Variants in TTC39B observed in about 807,000 individuals in gnomAD.
The protein encoded by TTC39B is tetratricopeptide repeat domain 39B, also known as tetratricopeptide repeat protein 39B.
A neutral mutation model predicts 96.6 loss-of-function variants in TTC39B; 92 were observed. That is an observed-to-expected ratio of 0.95 (90% confidence interval 0.80 to 1.13). TTC39B has a LOEUF of 1.13. TTC39B is among the 50% of genes most tolerant of loss of function. TTC39B has a pLI of 0.00. For synonymous variants in TTC39B, 367 were observed against 299.4 expected, an observed-to-expected ratio of 1.23 and a Z score of -2.33; for missense variants, 955 against 809.3, an observed-to-expected ratio of 1.18 and a Z score of -2.18.
Position 15,184,086 on chromosome 9 carries a change from A to G in TTC39B, c.1614+1194T>C, listed in dbSNP as rs74393087. 2.3e-3 allele frequency among the ~76,000 whole-genome samples: 357 copies of G among 152,344 alleles called. 1 individual carries two copies. Among genetic ancestry groups the G allele is most frequent in the African/African-American group, 8.3e-3 (345 of 41,576 alleles). ...CAACCCAATGAAAAATTAGGAAAGA[A>G]TATGAACAACAATTTACAAAAGAAA... On this transcript the variant is annotated intron_variant, in intron 16 of 19. Transcript: ENST00000512701.
intron 3 of TTC39B, among the ~76,000 whole-genome samples, chr9:15,214,648 T>C (rs886956921): frequency 7.2e-5 from 11 of 152,202 alleles, no homozygotes; most frequent in African/African-American, 2.4e-4. Context: ...TGAATTTGCA[T>C]ATTAATTTCA....
At chr9:15,285,191 C>G (rs1823917851) in intron 1 of TTC39B, among the ~76,000 whole-genome samples, 1 of 151,772 alleles carries the variant, frequency 6.6e-6, no homozygotes, top group South Asian at 2.1e-4. Context: ...ATGGCGTGAA[C>G]CCGGGAGGCG....
intron 10 of TTC39B, among the ~76,000 whole-genome samples, 169 bp downstream of exon 10, chr9:15,191,021 T>C (rs1379473509): frequency 6.6e-6 from 1 of 152,252 alleles, no homozygotes; most frequent in East Asian, 1.9e-4. Context: ...AGAAAAACTA[T>C]GTCTAAGTCC....
chr9:15,249,067 A>T (rs1192886417), intron 2 of TTC39B: 2 of 152,270 alleles, frequency 1.3e-5, no homozygotes, highest in Non-Finnish European at 2.9e-5. Flanking sequence ...CTTTTATTCA[A>T]CAAAGACAAA....
At chr9:15,265,042 C>T (rs922108012) in intron 2 of TTC39B, among the ~76,000 whole-genome samples, 8 of 151,982 alleles carry the variant, frequency 5.3e-5, no homozygotes, top group Non-Finnish European at 1.2e-4. Flanking sequence ...AAGGAGGTAT[C>T]AAATATAAAT....
rs1586982114 is a variant in TTC39B at position 15,267,816 on chromosome 9, C to T, written c.275+98G>A. 5.5e-6 allele frequency: 6 copies of T among 1,082,786 alleles called. 1 individual carries two copies. The South Asian group carries it at 6.8e-5, about 12-fold the overall frequency. 67.1% of individuals were successfully genotyped at this position (1,082,786 alleles called of 1,614,324 possible). ...TTTTTTTTTCTGAAAATAGCCATTG[C>T]CGTACTCTCCAAAAAATGAGAATGA... On this transcript the variant is annotated intron_variant, in intron 2 of 19. Coordinates refer to ENST00000512701, the Ensembl canonical transcript of TTC39B.
chr9:15,182,176 C>A (rs1404883429), intron 17 of TTC39B, 131 bp downstream of exon 17: 4 of 547,958 alleles, frequency 7.3e-6, no homozygotes, highest in Non-Finnish European at 9.6e-6. Context: ...ATCACCCAGA[C>A]CCCTGCAGCT....
At chr9:15,198,461 A>AATAT (rs61517681) in intron 8 of TTC39B, among the ~76,000 whole-genome samples, 2,978 of 117,250 alleles carry the variant, frequency 0.025, 38 homozygotes, top group South Asian at 0.043. Flanking sequence ...CGGTCGCAAA[A>AATAT]ATATATATAT....
intron 3 of TTC39B, among the ~76,000 whole-genome samples, chr9:15,220,008 C>A (rs1265167370): frequency 6.6e-6 from 1 of 152,196 alleles, no homozygotes; most frequent in Non-Finnish European, 1.5e-5. Flanking sequence ...AATTTGATCT[C>A]CATACGTCTG....
chr9:15,304,884 C>T (rs1162627417), intron 1 of TTC39B, among the ~76,000 whole-genome samples: 1 of 152,024 alleles, frequency 6.6e-6, no homozygotes, highest in Non-Finnish European at 1.5e-5. Context: ...GCTGTTTACA[C>T]ACATAAGTGA....
intron 4 of TTC39B, among the ~76,000 whole-genome samples, chr9:15,213,367 G>C (rs550270166): frequency 3.7e-4 from 56 of 152,294 alleles, no homozygotes; most frequent in South Asian, 1.0e-3. Context: ...CTTAACCTGT[G>C]AAACAATAGC....
chr9:15,287,165 T>C (rs1331930601), intron 1 of TTC39B, among the ~76,000 whole-genome samples: 1 of 152,238 alleles, frequency 6.6e-6, no homozygotes, highest in Non-Finnish European at 1.5e-5. Context: ...TTGATCTGTT[T>C]ACTCTTTGCT....
At chr9:15,192,754 A>G in intron 8 of TTC39B, 59 bp from the exon 9 acceptor site, 1 of 1,202,198 alleles carries the variant, frequency 8.3e-7, no homozygotes, top group Non-Finnish European at 1.2e-6. Flanking sequence ...AATAAATATT[A>G]AATCAAATTT....
chr9:15,276,170 C>A (rs1823535230), intron 1 of TTC39B, among the ~76,000 whole-genome samples: 1 of 152,156 alleles, frequency 6.6e-6, no homozygotes, highest in Non-Finnish European at 1.5e-5. Flanking sequence ...TTGGATTTGG[C>A]AGCAGGGTTA....
At chr9:15,199,836 A>C (rs751758967) in intron 8 of TTC39B, 25 bp downstream of exon 8, 2 of 1,388,616 alleles carry the variant, frequency 1.4e-6, no homozygotes, top group African/African-American at 1.4e-5. Flanking sequence ...ATTATTTACA[A>C]ACCACATCTT....
At chr9:15,170,537 T>C (rs1213973844) in exon 20 of TTC39B, 1 of 152,136 alleles carries the variant, frequency 6.6e-6, no homozygotes, top group African/African-American at 2.4e-5. Context: ...AATTGAGCCC[T>C]CACAAGTACC....
chr9:15,302,282 T>C (rs999182004), intron 1 of TTC39B, among the ~76,000 whole-genome samples: 1 of 148,074 alleles, frequency 6.8e-6, no homozygotes, highest in Non-Finnish European at 1.5e-5. Flanking sequence ...GCCAAGATCA[T>C]GCCACTGCAC....
intron 1 of TTC39B, among the ~76,000 whole-genome samples, chr9:15,284,625 T>G (rs1823889156): frequency 6.6e-6 from 1 of 152,204 alleles, no homozygotes; most frequent in Non-Finnish European, 1.5e-5. Context: ...AAATCCCATT[T>G]ATTTTAATAA....
intron 1 of TTC39B, among the ~76,000 whole-genome samples, chr9:15,284,057 T>C (rs1224026419): frequency 6.6e-6 from 1 of 152,066 alleles, no homozygotes; most frequent in Non-Finnish European, 1.5e-5. Flanking sequence ...GCAAAACAAT[T>C]ACTATTTAGA....
Sources: allele counts gnomAD v4.1 joint callset (sites outside exome capture counted in the v4.1 genomes callset), GRCh38; gene constraint gnomAD v4.1.1; transcripts MANE v1.5; gene names NCBI Gene and HGNC (gene_info 2026-07-23, HGNC 2026-07-21).